PFKFB2: variants seen among roughly 807,000 people sequenced by gnomAD.
PFKFB2 encodes 6-phosphofructo-2-kinase/fructose-2,6-bisphosphatase 2.
In PFKFB2, 53 loss-of-function variants were observed where a neutral mutation model predicts 68.0. That is an observed-to-expected ratio of 0.78 (90% CI 0.63 to 0.98). The LOEUF (loss-of-function observed/expected upper bound fraction) is 0.98, where lower values mean the gene tolerates loss of function less well. Ranked by LOEUF, PFKFB2 falls within the 50% of genes least tolerant of loss-of-function variation. The pLI, the probability that PFKFB2 is intolerant of heterozygous loss-of-function variation, is 0.00. For synonymous variants in PFKFB2, 222 were observed against 227.6 expected, an observed-to-expected ratio of 0.98 and a Z score of 0.22; for missense variants, 451 against 642.0, an observed-to-expected ratio of 0.70 and a Z score of 3.22.
intron 2 of PFKFB2, among the ~76,000 whole-genome samples, chr1:207,056,228 G>A (rs892139034): frequency 2.0e-5 from 3 of 151,998 alleles, no homozygotes; most frequent in African/African-American, 7.2e-5. Flanking sequence ...TCTGCCTGTT[G>A]TATTTATTCC....
In PFKFB2 at chr1:207,076,015, C is replaced by T. The variant is rs1683612634; in HGVS notation, c.*3644C>T. 1 of 985,352 alleles carries T rather than the reference C, an allele frequency of 1.0e-6. No individual in the cohort carries two copies. The highest frequency in any genetic ancestry group is 4.7e-5 in the South Asian group (1 of 21,278). The allele number at this position is 985,352 out of a possible 1,614,324, so 61.0% of individuals were successfully genotyped here. On this transcript the variant is annotated 3_prime_UTR_variant, in exon 15 of 15. Coordinates refer to ENST00000367080, the MANE Select transcript of PFKFB2 (RefSeq NM_006212.2). The stretch of plus-strand genomic sequence containing the variant: ...AAACTTGCATTGTGCTAGGGATCTG[C>T]CCTATATCTTTGCCTCTGGTGTTTC...
At chr1:207,050,644 C>T (rs1287619685), upstream of PFKFB2, 5 of 1,604,826 alleles carry the variant, frequency 3.1e-6, no homozygotes, top group East Asian at 8.9e-5. Flanking sequence ...ACGCCCCTCT[C>T]CATCCTCCCG....
intron 9 of PFKFB2, 99 bp downstream of exon 9, chr1:207,067,805 C>T (rs779308377): frequency 1.4e-4 from 146 of 1,029,564 alleles, no homozygotes; most frequent in Middle Eastern, 3.2e-4. Flanking sequence ...CCCATTTGGA[C>T]GTAGGCTGTG....
upstream of PFKFB2, chr1:207,049,113 C>T: frequency 6.2e-7 from 1 of 1,614,032 alleles, no homozygotes; most frequent in Non-Finnish European, 8.5e-7. Context: ...CCATGCATCT[C>T]AGGGTGAAGC....
intron 12 of PFKFB2, 91 bp from the exon 13 acceptor site, chr1:207,071,097 C>T: frequency 9.6e-7 from 1 of 1,040,896 alleles, no homozygotes; most frequent in South Asian, 1.3e-5. Flanking sequence ...AAGGGAAACT[C>T]ATTATGAGCT....
At chr1:207,078,939 C>T (rs188258683), downstream of PFKFB2, 18 of 1,609,186 alleles carry the variant, frequency 1.1e-5, no homozygotes, top group East Asian at 1.6e-4. Context: ...GTGTCTCTTC[C>T]TCTCTGGCTC....
Position 207,075,063 on chromosome 1 carries a change from A to G in PFKFB2, c.*2692A>G. 1 of 985,418 alleles carries G rather than the reference A, an allele frequency of 1.0e-6. No homozygotes were observed. The highest frequency in any genetic ancestry group is 1.1e-4 in the East Asian group (1 of 8,818). 61.0% of individuals were successfully genotyped at this position (985,418 alleles called of 1,614,324 possible). On this transcript the variant is annotated 3_prime_UTR_variant, in exon 15 of 15. Transcript: ENST00000367080. ...CTGCTGTGAGGTAAGAGTAATTCAG[A>G]CCTAATGAATGAGAAGAGGGAGCAC...
chr1:207,047,576 G>T (rs1682629393), intron 2 of PFKFB2: 1 of 152,610 alleles, frequency 6.6e-6, no homozygotes, highest in African/African-American at 2.4e-5. Flanking sequence ...CATTATGTGA[G>T]ATAATACATA....
chr1:207,050,618 T>G, upstream of PFKFB2: 2 of 1,589,066 alleles, frequency 1.3e-6, no homozygotes, highest in Non-Finnish European at 1.7e-6. Context: ...CCTTGACTGG[T>G]GTTTTGTTCT....
At chr1:207,069,646 C>T in intron 11 of PFKFB2, 118 bp downstream of exon 11, 3 of 661,174 alleles carry the variant, frequency 4.5e-6, no homozygotes, top group South Asian at 1.9e-5. Context: ...TCTTCCTTCC[C>T]TTGGGTCATT....
intron 2 of PFKFB2, among the ~76,000 whole-genome samples, chr1:207,059,180 T>G (rs1683014154): frequency 6.6e-6 from 1 of 152,204 alleles, no homozygotes; most frequent in Non-Finnish European, 1.5e-5. Context: ...TTGTTGTTGT[T>G]GTTCTTAGCA....
At chr1:207,051,678 A>G (rs1016548199), upstream of PFKFB2, among the ~76,000 whole-genome samples, 1 of 152,240 alleles carries the variant, frequency 6.6e-6, no homozygotes, top group Non-Finnish European at 1.5e-5. Context: ...GTTCCTGGGC[A>G]TACAAATATG....
intron 2 of PFKFB2, chr1:207,043,795 TA>T (rs1350732611): frequency 2.0e-5 from 3 of 152,728 alleles, no homozygotes; most frequent in African/African-American, 7.2e-5. Context: ...GTATATTGAG[TA>T]AAATAGCCGT....
intron 1 of PFKFB2, among the ~76,000 whole-genome samples, chr1:207,041,163 G>A (rs1259628732): frequency 6.6e-6 from 1 of 151,608 alleles, no homozygotes; most frequent in Non-Finnish European, 1.5e-5. Context: ...TCCTGACCTC[G>A]TGATCTGCCC....
rs1285342988 is a variant in PFKFB2, at chr1:207,063,559, CT to C, written c.450+140del. On this transcript the variant is annotated intron_variant, in intron 6 of 14. Coordinates refer to ENST00000367080, the MANE Select transcript of PFKFB2 (RefSeq NM_006212.2). The surrounding 1 kb of genome is among the most constrained non-coding windows in gnomAD (Gnocchi z 4.1). ...CTTCTCTCAGAGCATTCCCCCAGTC[CT>C]TGAGTGTTTTCATTCAGGTCCTTTC... The C allele has an allele frequency of 1.3e-6, 1 of 756,680 alleles. No individual in the cohort carries two copies. Among genetic ancestry groups the C allele is most frequent in the Non-Finnish European group, 2.3e-6 (1 of 428,726 alleles). 46.9% of individuals were successfully genotyped at this position (756,680 alleles called of 1,614,324 possible).
At chr1:207,036,235 G>C (rs866578703) in intron 1 of PFKFB2, among the ~76,000 whole-genome samples, 1 of 152,178 alleles carries the variant, frequency 6.6e-6, no homozygotes, top group East Asian at 1.9e-4. Flanking sequence ...AAGCATGGCA[G>C]ACTGAATAGA....
intron 7 of PFKFB2, 48 bp from the exon 8 acceptor site, chr1:207,064,988 T>C (rs767583943): frequency 6.3e-7 from 1 of 1,598,418 alleles, no homozygotes; most frequent in South Asian, 1.1e-5. Flanking sequence ...AGGAGGACTG[T>C]TACGGGCAGA....
chr1:207,046,069 G>A (rs1367582524), intron 2 of PFKFB2: 1 of 152,064 alleles, frequency 6.6e-6, no homozygotes, highest in Non-Finnish European at 1.5e-5. Context: ...TTATTCAGGA[G>A]TGAATCTTCA....
At chr1:207,050,751 G>A, upstream of PFKFB2, 1 of 1,613,382 alleles carries the variant, frequency 6.2e-7, no homozygotes, top group Non-Finnish European at 8.5e-7. Context: ...CACTCGGGAG[G>A]GTATCCGACG....
Sources: allele counts gnomAD v4.1 joint callset (sites outside exome capture counted in the v4.1 genomes callset), GRCh38; gene constraint gnomAD v4.1.1; non-coding constraint Gnocchi (gnomAD v3.1); transcripts MANE v1.5; gene names NCBI Gene and HGNC (gene_info 2026-07-23, HGNC 2026-07-21).